RBFOX3: variants seen among roughly 807,000 people sequenced by gnomAD.
The protein encoded by RBFOX3 is RNA binding fox-1 homolog 3, also known as RNA binding protein fox-1 homolog 3.
RBFOX3 carries 17 observed loss-of-function variants against 48.7 expected under a neutral mutation model. That is an observed-to-expected ratio of 0.35 (90% CI 0.24 to 0.52). The LOEUF is 0.52. Ranked by LOEUF, RBFOX3 falls within the 20% of genes least tolerant of loss-of-function variation. RBFOX3 has a pLI of 0.94. For synonymous variants in RBFOX3, 212 were observed against 209.5 expected, an observed-to-expected ratio of 1.01 and a Z score of -0.10; for missense variants, 382 against 497.5, an observed-to-expected ratio of 0.77 and a Z score of 2.21.
chr17:79,382,753 G>A (rs572926731), intron 2 of RBFOX3, among the ~76,000 whole-genome samples: 37 of 152,262 alleles, frequency 2.4e-4, no homozygotes, highest in Non-Finnish European at 3.8e-4. Context: ...CTTGCCTATC[G>A]CCTCCCAGGC....
rs573531449 is a variant in RBFOX3, at chr17:79,126,154, C to T, written c.-33-10406G>A. 3.9e-4 allele frequency among the ~76,000 whole-genome samples: 60 copies of T among 152,366 alleles called. 1 individual carries two copies. The highest frequency in any genetic ancestry group is 1.4e-3 in the African/African-American group (57 of 41,584). ...TGGGACACCTCAGACTTCCTGGACG[C>T]GTCTGCCACATTCCCAGTTTGAATG... is the stretch of plus-strand genomic sequence containing the variant. On this transcript the variant is annotated intron_variant, in intron 4 of 14. Transcript: ENST00000693108.
intron 3 of RBFOX3, among the ~76,000 whole-genome samples, chr17:79,275,791 T>G (rs890525181): frequency 5.3e-5 from 8 of 152,230 alleles, no homozygotes; most frequent in Non-Finnish European, 1.0e-4. Flanking sequence ...GCCCTCGGGC[T>G]GGGCTTGGAG....
At chr17:79,196,149 C>T (rs2703551) in intron 4 of RBFOX3, among the ~76,000 whole-genome samples, 88,775 of 151,960 alleles carry the variant, frequency 0.58, 28,038 homozygotes, top group Middle Eastern at 0.72. Context: ...GGCCGGGATG[C>T]GGGGTCGGAG....
At chr17:79,496,736 C>A (rs982980331) in intron 1 of RBFOX3, among the ~76,000 whole-genome samples, 2 of 152,160 alleles carry the variant, frequency 1.3e-5, no homozygotes, top group Non-Finnish European at 2.9e-5. Flanking sequence ...CTTACCCCAC[C>A]CTTTCCTTGA....
intron 2 of RBFOX3, among the ~76,000 whole-genome samples, chr17:79,409,487 C>T (rs937818178): frequency 6.6e-6 from 1 of 152,384 alleles, no homozygotes; most frequent in East Asian, 1.9e-4. Flanking sequence ...AATGTTTCCA[C>T]ATCCTCACCA....
At chr17:79,647,428 C>G in the RBFOX3 span, among the ~76,000 whole-genome samples, 44 of 152,284 alleles carry the variant, frequency 2.9e-4, no homozygotes, top group Admixed American at 4.6e-4. Context: ...AGCTGCCACT[C>G]ATGTCAGCAA....
At chr17:79,194,101 A>C (rs2055057563) in intron 4 of RBFOX3, among the ~76,000 whole-genome samples, 1 of 152,206 alleles carries the variant, frequency 6.6e-6, no homozygotes, top group African/African-American at 2.4e-5. Flanking sequence ...TGGTAAAAAA[A>C]CAGAGATGAT....
In RBFOX3 at chr17:79,489,240, T is replaced by TAAAAA. The variant is rs71161671; in HGVS notation, c.-319-6647_-319-6643dup. On this transcript the variant is annotated intron_variant, in intron 1 of 14. Transcript: ENST00000693108. ...TAGCCTTCTAGTCCTGCCAGAAAGT[T>TAAAAA]AAAAAAAAAAAAAAAAAAAAAAGAA... Among the ~76,000 whole-genome samples the TAAAAA allele has an allele frequency of 4.7e-5, 6 of 126,488 alleles. No homozygotes were observed. In the East Asian group the frequency reaches 7.2e-4, roughly 15 times the overall value. 83.0% of individuals were successfully genotyped at this position (126,488 alleles called of 152,430 possible). A position where few individuals can be genotyped will look rare whatever the true frequency, so the allele number is the denominator to read the frequency against.
chr17:79,526,591 G>A (rs2086832328), intron 1 of RBFOX3, among the ~76,000 whole-genome samples: 1 of 152,182 alleles, frequency 6.6e-6, no homozygotes, highest in Admixed American at 6.5e-5. Flanking sequence ...AGCAGAGGAC[G>A]GTGGGGTTGG....
At chr17:79,435,986 T>C (rs1555730903) in intron 2 of RBFOX3, among the ~76,000 whole-genome samples, 1 of 152,206 alleles carries the variant, frequency 6.6e-6, no homozygotes, top group African/African-American at 2.4e-5. Context: ...GAAACGGCAC[T>C]GGGATCTCAG....
At chr17:79,589,217 C>A (rs918804939) in intron 1 of RBFOX3, among the ~76,000 whole-genome samples, 120 of 152,108 alleles carry the variant, frequency 7.9e-4, no homozygotes, top group African/African-American at 2.5e-3. Flanking sequence ...TCTTGCGCTG[C>A]GGCAGGCTGC....
intron 2 of RBFOX3, among the ~76,000 whole-genome samples, chr17:79,399,792 C>T (rs2062549562): frequency 1.3e-5 from 2 of 152,226 alleles, no homozygotes; most frequent in South Asian, 4.1e-4. Context: ...CACCACAGAC[C>T]CTCGGGCGCT....
chr17:79,258,648 G>C (rs1010548938), intron 3 of RBFOX3, among the ~76,000 whole-genome samples: 10 of 152,174 alleles, frequency 6.6e-5, no homozygotes, highest in African/African-American at 2.4e-4. Context: ...GGAACGTGGC[G>C]AAGTTCTTCT....
At chr17:79,444,949 A>G (rs782420136) in intron 2 of RBFOX3, among the ~76,000 whole-genome samples, 2 of 152,050 alleles carry the variant, frequency 1.3e-5, no homozygotes, top group Non-Finnish European at 2.9e-5. Context: ...ATCCCCAACC[A>G]CAGGCAACCA....
intron 4 of RBFOX3, among the ~76,000 whole-genome samples, chr17:79,230,274 T>A (rs770772971): frequency 6.6e-6 from 1 of 152,162 alleles, no homozygotes; most frequent in Non-Finnish European, 1.5e-5. Flanking sequence ...TTATTTATTT[T>A]TTTGAGATGG....
intron 2 of RBFOX3, among the ~76,000 whole-genome samples, chr17:79,433,221 G>A (rs1288186478): frequency 2.0e-5 from 3 of 152,170 alleles, no homozygotes; most frequent in Non-Finnish European, 4.4e-5. Context: ...TGTTCCCAGG[G>A]CCACCTTGGG....
chr17:79,167,987 G>A (rs2048369813), intron 4 of RBFOX3, among the ~76,000 whole-genome samples: 1 of 152,238 alleles, frequency 6.6e-6, no homozygotes. Context: ...ACAGAGTGGG[G>A]GGCAGTGGGG....
At chr17:79,140,546 C>T (rs1362247975) in intron 4 of RBFOX3, among the ~76,000 whole-genome samples, 4 of 152,250 alleles carry the variant, frequency 2.6e-5, no homozygotes, top group Non-Finnish European at 5.9e-5. Context: ...CGGTGACAGT[C>T]CCTGGTTTTG....
chr17:79,135,345 T>G (rs1264558152), intron 4 of RBFOX3, among the ~76,000 whole-genome samples: 2 of 152,164 alleles, frequency 1.3e-5, no homozygotes, highest in Non-Finnish European at 2.9e-5. Context: ...TTAAGTGCTG[T>G]CCTCTCATAA....
Sources: gnomAD v4.1 joint callset for allele counts (sites outside exome capture counted in the v4.1 genomes callset) on GRCh38, gnomAD v4.1.1 for gene constraint, MANE v1.5 for transcripts, NCBI Gene and HGNC (gene_info 2026-07-23, HGNC 2026-07-21) for gene names.